The following SCAPER variants were observed in gnomAD, a reference collection of about 807,000 sequenced individuals.
The protein encoded by SCAPER is S phase cyclin A-associated protein in the endoplasmic reticulum.
In SCAPER, 98 loss-of-function variants were observed where a neutral mutation model predicts 182.2. The observed-to-expected ratio is 0.54, with a 90% CI of 0.46 to 0.64. The LOEUF is 0.64. Among genes scored for constraint, SCAPER ranks in the 30% least tolerant of loss-of-function variants. The pLI is 0.00. For synonymous variants in SCAPER, 605 were observed against 564.6 expected (o/e 1.07, Z -1.01); for missense variants, 1,432 against 1,690.0 (o/e 0.85, Z 2.68).
chr15:76,375,183 A>C (rs1488970647), intron 29 of SCAPER, among the ~76,000 whole-genome samples: 1 of 132,788 alleles, frequency 7.5e-6, no homozygotes, highest in East Asian at 2.2e-4. Context: ...ATGCCACTGC[A>C]CTCCAGCCTG....
chr15:76,817,540 T>C (rs975323298), intron 5 of SCAPER, among the ~76,000 whole-genome samples: 1 of 152,150 alleles, frequency 6.6e-6, no homozygotes, highest in African/African-American at 2.4e-5. Flanking sequence ...TATTGTATAC[T>C]AAAAATTCAC....
rs567505820 is a variant in SCAPER, at chr15:76,504,812, T to C, written c.2954+47A>G. On this transcript the variant is annotated intron_variant, in intron 24 of 31. Transcript: ENST00000563290. ...CCATATGGAAACCATAGGGCAGAAA[T>C]GACTCACAAATGAAACGTAAAAAAT... 1.8e-4 allele frequency: 268 copies of C among 1,460,826 alleles called. 1 individual carries two copies. Among genetic ancestry groups the C allele is most frequent in the Non-Finnish European group, 2.4e-4 (257 of 1,077,866 alleles). 90.5% of individuals were successfully genotyped at this position (1,460,826 alleles called of 1,614,324 possible).
intron 23 of SCAPER, among the ~76,000 whole-genome samples, chr15:76,536,290 T>TG (rs1182515591): frequency 6.6e-6 from 1 of 152,114 alleles, no homozygotes; most frequent in African/African-American, 2.4e-5. Flanking sequence ...GCTCAAGAGT[T>TG]CACATCCAGT....
intron 2 of SCAPER, among the ~76,000 whole-genome samples, chr15:76,872,298 A>G (rs1457146787): frequency 6.6e-6 from 1 of 152,164 alleles, no homozygotes; most frequent in African/African-American, 2.4e-5. Context: ...TTGAAAGGGA[A>G]TGGCTTTAAA....
intron 5 of SCAPER, among the ~76,000 whole-genome samples, chr15:76,819,936 G>A (rs1375568670): frequency 2.6e-5 from 4 of 152,200 alleles, no homozygotes; most frequent in Non-Finnish European, 5.9e-5. Flanking sequence ...AAGGATATGA[G>A]CAGACATTTC....
At chr15:76,635,557 T>C (rs911357476) in intron 21 of SCAPER, among the ~76,000 whole-genome samples, 1 of 152,210 alleles carries the variant, frequency 6.6e-6, no homozygotes, top group Non-Finnish European at 1.5e-5. Context: ...TTCTTACTAG[T>C]TTTTCTTGCC....
At chr15:76,641,308 C>CT in intron 21 of SCAPER, among the ~76,000 whole-genome samples, 1 of 152,318 alleles carries the variant, frequency 6.6e-6, no homozygotes, top group African/African-American at 2.4e-5. Flanking sequence ...CTTCTGCATA[C>CT]AGATGTTATG....
chr15:76,544,031 T>G (rs1332703415), intron 23 of SCAPER, among the ~76,000 whole-genome samples: 1 of 152,166 alleles, frequency 6.6e-6, no homozygotes, highest in Non-Finnish European at 1.5e-5. Flanking sequence ...AATATTTGAA[T>G]ATATTTTTCA....
At chr15:76,657,732 C>T (rs1214966042) in intron 21 of SCAPER, among the ~76,000 whole-genome samples, 1 of 152,062 alleles carries the variant, frequency 6.6e-6, no homozygotes, top group Non-Finnish European at 1.5e-5. Context: ...ATCAAATAGA[C>T]TTTATCCCTG....
intron 17 of SCAPER, among the ~76,000 whole-genome samples, chr15:76,706,973 C>A (rs2059295927): frequency 6.6e-6 from 1 of 151,910 alleles, no homozygotes; most frequent in Non-Finnish European, 1.5e-5. Context: ...ACTATTGTTT[C>A]ATTTATGACA....
intron 4 of SCAPER, among the ~76,000 whole-genome samples, chr15:76,849,327 GA>G (rs2070469881): frequency 6.6e-6 from 1 of 152,084 alleles, no homozygotes; most frequent in Admixed American, 6.5e-5. Flanking sequence ...ACAAAGAAAC[GA>G]AGACCCAAAG....
At chr15:76,694,594 A>G (rs2058555225) in intron 20 of SCAPER, among the ~76,000 whole-genome samples, 1 of 152,164 alleles carries the variant, frequency 6.6e-6, no homozygotes, top group Non-Finnish European at 1.5e-5. Context: ...AAAAAGACAG[A>G]AAACAAATTT....
intron 26 of SCAPER, among the ~76,000 whole-genome samples, chr15:76,427,456 G>A (rs747796578): frequency 5.9e-5 from 9 of 152,024 alleles, no homozygotes; most frequent in Admixed American, 3.3e-4. Context: ...ACAGGTATAC[G>A]AAAAAATGCT....
chr15:76,542,976 T>A (rs184413986), intron 23 of SCAPER, among the ~76,000 whole-genome samples: 29 of 152,332 alleles, frequency 1.9e-4, no homozygotes, highest in Admixed American at 1.8e-3. Context: ...TTGTTTAGTA[T>A]ACAGAAAAAT....
intron 25 of SCAPER, among the ~76,000 whole-genome samples, chr15:76,449,058 C>T (rs1227502648): frequency 1.3e-5 from 2 of 152,144 alleles, no homozygotes; most frequent in Admixed American, 6.5e-5. Context: ...AAAATACAAA[C>T]GTGAGTCTTG....
intron 16 of SCAPER, among the ~76,000 whole-genome samples, chr15:76,732,820 A>G (rs949527082): frequency 1.3e-5 from 2 of 152,184 alleles, no homozygotes; most frequent in Non-Finnish European, 2.9e-5. Context: ...CAAATTAGTG[A>G]AAGTACTAAA....
chr15:76,817,375 G>A (rs962967085), intron 5 of SCAPER, among the ~76,000 whole-genome samples: 3 of 152,088 alleles, frequency 2.0e-5, no homozygotes, highest in South Asian at 2.1e-4. Flanking sequence ...AGTCGAATAC[G>A]TAGAAAGAAA....
At chr15:76,505,624 C>A (rs192674784) in intron 23 of SCAPER, among the ~76,000 whole-genome samples, 73 of 152,230 alleles carry the variant, frequency 4.8e-4, no homozygotes, top group African/African-American at 1.6e-3. Context: ...GGAGAGGGAA[C>A]TCTCATACAC....
chr15:76,596,532 T>C (rs1194299236), intron 22 of SCAPER, among the ~76,000 whole-genome samples: 1 of 120,604 alleles, frequency 8.3e-6, no homozygotes, highest in African/African-American at 2.5e-5. Flanking sequence ...TTCAGGCCAA[T>C]ATCCCTGTTG....
Sources: allele counts gnomAD v4.1 joint callset (sites outside exome capture counted in the v4.1 genomes callset), GRCh38; gene constraint gnomAD v4.1.1; transcripts MANE v1.5; gene names NCBI Gene and HGNC (gene_info 2026-07-23, HGNC 2026-07-21).